The following TJAP1 variants were observed in gnomAD, a reference collection of about 807,000 sequenced individuals.
The protein encoded by TJAP1 is tight junction associated protein 1.
TJAP1 carries 27 observed loss-of-function variants against 42.0 expected under a neutral mutation model. The observed-to-expected ratio is 0.64, with a 90% CI of 0.47 to 0.89. The LOEUF is 0.89. Ranked by LOEUF, TJAP1 falls within the 40% of genes least tolerant of loss-of-function variation. The pLI is 0.00. For synonymous variants in TJAP1, 257 were observed against 288.4 expected (o/e 0.89, Z 1.10); for missense variants, 712 against 726.9 (o/e 0.98, Z 0.24).
Position 43,505,295 on chromosome 6 carries a change from C to T in TJAP1, c.1114C>T (p.Pro372Ser). 1 of 1,612,074 alleles carries T rather than the reference C, an allele frequency of 6.2e-7. No individual in the cohort carries two copies. Among genetic ancestry groups the T allele is most frequent in the Non-Finnish European group, 8.5e-7 (1 of 1,179,808 alleles). ...AGAGGAGGGGAGTGAGCGGGCCCGC[C>T]CCAGCCCAGTGCCCAGCACCCCTGC... is the stretch of plus-strand genomic sequence containing the variant. Residue 372 changes from proline to serine, a missense_variant, in exon 11 of 11, where the codon CCC becomes TCC. Transcript: ENST00000372449. The surrounding 1 kb of genome is among the most constrained non-coding windows in gnomAD (Gnocchi z 5.5).
At chr6:43,496,082 G>GAGC (rs1789052682) in intron 2 of TJAP1, among the ~76,000 whole-genome samples, 1 of 152,148 alleles carries the variant, frequency 6.6e-6, no homozygotes, top group Non-Finnish European at 1.5e-5. Flanking sequence ...GATGACTGGG[G>GAGC]AGCACATGGG....
At chr6:43,500,175 C>T (rs1021394727) in intron 4 of TJAP1, among the ~76,000 whole-genome samples, 1 of 152,208 alleles carries the variant, frequency 6.6e-6, no homozygotes, top group African/African-American at 2.4e-5. Context: ...CCATGACTGC[C>T]ATAGGGGTTT....
chr6:43,506,204 T>G (rs115171506), exon 11 of TJAP1: 2 of 208,430 alleles, frequency 9.6e-6, no homozygotes, highest in African/African-American at 2.3e-5. Context: ...CATCCTTTCA[T>G]AGTCACAAGT....
At chr6:43,503,013 T>C (rs973819325) in intron 8 of TJAP1, 17 of 452,582 alleles carry the variant, frequency 3.8e-5, no homozygotes, top group African/African-American at 3.4e-4. Flanking sequence ...CCCTGCTTCC[T>C]CTTCCCTCTC....
chr6:43,490,705 G>C (rs1227539981), intron 2 of TJAP1, among the ~76,000 whole-genome samples: 1 of 152,182 alleles, frequency 6.6e-6, no homozygotes, highest in Admixed American at 6.5e-5. Context: ...CGTTGCTCTG[G>C]GAGGTGAAGT....
rs565162165 is a variant in TJAP1, at chr6:43,504,235, C to T, written c.580-526C>T. On this transcript the variant is annotated intron_variant, in intron 10 of 10. Coordinates refer to ENST00000372449, the Ensembl canonical transcript of TJAP1. ...CTTCAAGCAATTCTCCTGCTTCAGC[C>T]TCCCAAGTAGCTGGAATTATAGGCG... is the stretch of plus-strand genomic sequence containing the variant. The T allele has an allele frequency of 1.7e-5, 4 of 229,862 alleles. No homozygotes were observed. In the South Asian group the frequency reaches 2.5e-4, roughly 14 times the overall value. 14.2% of individuals were successfully genotyped at this position (229,862 alleles called of 1,614,324 possible).
intron 10 of TJAP1, chr6:43,504,015 GC>G (rs1172071228): frequency 1.7e-6 from 1 of 574,798 alleles, no homozygotes; most frequent in Non-Finnish European, 3.4e-6. Context: ...AGAGGATTAG[GC>G]CCATCTGATC....
At chr6:43,483,814 T>G (rs1483374217) in intron 2 of TJAP1, among the ~76,000 whole-genome samples, 2 of 152,192 alleles carry the variant, frequency 1.3e-5, no homozygotes, top group Admixed American at 6.5e-5. Context: ...ATCCCAGCAC[T>G]TTGGAAGGCT....
rs1242427618 is a variant in TJAP1 at position 43,501,513 on chromosome 6, A to C, written c.129-13A>C. Reference sequence around the variant, plus strand: ...CATACCCCTCTGCCCTTGATCCCACAACACCCTGCCAGGCTCTTACAGGAG... The same window carrying C: ...CATACCCCTCTGCCCTTGATCCCACCACACCCTGCCAGGCTCTTACAGGAG... On this transcript the variant is annotated splice_polypyrimidine_tract_variant and intron_variant, in intron 5 of 10. Coordinates refer to ENST00000372449, the Ensembl canonical transcript of TJAP1. 6.2e-7 allele frequency: 1 copy of C among 1,610,726 alleles called. No individual in the cohort carries two copies. Among genetic ancestry groups the C allele is most frequent in the Admixed American group, 1.7e-5 (1 of 59,658 alleles).
intron 2 of TJAP1, among the ~76,000 whole-genome samples, chr6:43,493,450 T>C (rs1357003655): frequency 1.3e-5 from 2 of 152,120 alleles, no homozygotes; most frequent in African/African-American, 2.4e-5. Context: ...AGTGAGGTAG[T>C]AGTGCAGAAC....
intron 10 of TJAP1, chr6:43,503,987 T>A (rs1791613550): frequency 1.5e-6 from 1 of 650,518 alleles, no homozygotes. Flanking sequence ...CAGAGCTATC[T>A]GCCCAAAGAG....
chr6:43,498,705 C>G (rs1789812313), intron 3 of TJAP1, among the ~76,000 whole-genome samples: 1 of 152,126 alleles, frequency 6.6e-6, no homozygotes, highest in South Asian at 2.1e-4. Context: ...GCTCCCTGTC[C>G]CACTCTTAGA....
At chr6:43,502,819 G>GT in intron 8 of TJAP1, 1 of 649,856 alleles carries the variant, frequency 1.5e-6, no homozygotes. Flanking sequence ...CTTGGCTCTG[G>GT]TAGAGGTACT....
intron 2 of TJAP1, among the ~76,000 whole-genome samples, chr6:43,484,918 G>T (rs913541652): frequency 4.6e-5 from 7 of 152,194 alleles, no homozygotes; most frequent in African/African-American, 1.7e-4. Context: ...AGTGGAGGCG[G>T]GGTTTTACCA....
rs1181093201 is a variant in TJAP1, at chr6:43,495,674, CAG to C, written c.-121-2202_-121-2201del. Among the ~76,000 whole-genome samples the C allele has an allele frequency of 2.6e-5, 4 of 152,176 alleles. No individual in the cohort carries two copies. Among genetic ancestry groups the C allele is most frequent in the African/African-American group, 9.7e-5 (4 of 41,420 alleles). ...CTCCCATCACAACCACCCCCATCCC[CAG>C]AGAGTCTGTCTGCATTTACTGCCTG... On this transcript the variant is annotated intron_variant, in intron 2 of 10. Transcript: ENST00000372449. This position sits in a 1 kb window ranked among gnomAD's most constrained non-coding sequence, Gnocchi z 4.6.
rs1319116155 is a variant in TJAP1, at chr6:43,502,072, A to ACTCT, written c.291-210_291-209insTCTC. Among the ~76,000 whole-genome samples, 102 of 117,222 alleles carry ACTCT rather than the reference A, an allele frequency of 8.7e-4. 9 individuals carry two copies. The highest frequency in any genetic ancestry group is 3.9e-3 in the African/African-American group (84 of 21,756). The allele number at this position is 117,222 out of a possible 152,430, so 76.9% of individuals were successfully genotyped here. A position where few individuals can be genotyped will look rare whatever the true frequency, so the allele number is the denominator to read the frequency against. ...GACACACACACACACACACACACAC[A>ACTCT]CACACTCTCTCTCTCTCTCTCTCTC... On this transcript the variant is annotated intron_variant, in intron 6 of 10. Coordinates refer to ENST00000372449, the Ensembl canonical transcript of TJAP1.
chr6:43,487,899 C>T (rs1370015472), intron 2 of TJAP1, among the ~76,000 whole-genome samples: 5 of 135,496 alleles, frequency 3.7e-5, no homozygotes, highest in Admixed American at 7.5e-5. Context: ...GATGGAGTTT[C>T]GCTCTTGTCA....
At chr6:43,481,207 C>A (rs1785234434) in intron 2 of TJAP1, among the ~76,000 whole-genome samples, 1 of 152,066 alleles carries the variant, frequency 6.6e-6, no homozygotes, top group Non-Finnish European at 1.5e-5. Context: ...GGTGCATGGG[C>A]TGTGGTGAGG....
rs1562253271 is a variant in TJAP1, at chr6:43,491,393, C to T, written c.-121-6488C>T. ...GCAACCTCCGCCTCCCAGGTTTAAG[C>T]GATTCTCTTACCTCAGCCTCCCGAG... On this transcript the variant is annotated intron_variant, in intron 2 of 10. Coordinates refer to ENST00000372449, the Ensembl canonical transcript of TJAP1. This position sits in a 1 kb window ranked among gnomAD's most constrained non-coding sequence, Gnocchi z 4.6. Among the ~76,000 whole-genome samples the T allele has an allele frequency of 6.6e-6, 1 of 152,092 alleles. No individual in the cohort carries two copies. Among genetic ancestry groups the T allele is most frequent in the Non-Finnish European group, 1.5e-5 (1 of 68,006 alleles).
Sources: allele counts gnomAD v4.1 joint callset (sites outside exome capture counted in the v4.1 genomes callset), GRCh38; gene constraint gnomAD v4.1.1; non-coding constraint Gnocchi (gnomAD v3.1); transcripts MANE v1.5; gene names NCBI Gene and HGNC (gene_info 2026-07-23, HGNC 2026-07-21).